The following RUFY1 variants were observed in gnomAD, a reference collection of about 807,000 sequenced individuals.
The protein encoded by RUFY1 is RUN and FYVE domain containing 1, also known as RUN and FYVE domain-containing protein 1.
RUFY1 carries 54 observed loss-of-function variants against 94.6 expected under a neutral mutation model. That is an observed-to-expected ratio of 0.57 (90% CI 0.46 to 0.72). The LOEUF (loss-of-function observed/expected upper bound fraction) is 0.72, where lower values mean the gene tolerates loss of function less well. Among genes scored for constraint, RUFY1 ranks in the 30% least tolerant of loss-of-function variants. The pLI is 0.00. For missense variants in RUFY1, 883 were observed against 883.9 expected, an observed-to-expected ratio of 1.00 and a Z score of 0.01; for synonymous variants, 396 against 347.3, an observed-to-expected ratio of 1.14 and a Z score of -1.56.
At position 179,609,433 on chromosome 5, in the gene RUFY1, G is replaced by A; in HGVS notation, c.2041G>A (p.Ala681Thr). ...FCNTCSSNEL[A>T]LPSYPKPVRV... Reference sequence around the variant, plus strand: ...CAACACCTGCTCCAGCAACGAGCTGGCCCTGCCCTCCTACCCCAAGCCGGT... The same window carrying A: ...CAACACCTGCTCCAGCAACGAGCTGACCCTGCCCTCCTACCCCAAGCCGGT... Residue 681 changes from alanine (A) to threonine (T), a missense_variant, in exon 18 of 18, where the codon GCC becomes ACC. Transcript: ENST00000319449. 1 of 1,612,944 alleles carries A rather than the reference G, an allele frequency of 6.2e-7. No individual in the cohort carries two copies. The highest frequency in any genetic ancestry group is 8.5e-7 in the Non-Finnish European group (1 of 1,179,798).
chr5:179,609,328 A>G (rs1412284726), intron 17 of RUFY1, 48 bp from the exon 18 acceptor site: 8 of 1,594,498 alleles, frequency 5.0e-6, no homozygotes, highest in East Asian at 4.5e-5. Flanking sequence ...GGGTGTGCGG[A>G]TGGCTTTTCC....
intron 9 of RUFY1, 23 bp from the exon 10 acceptor site, chr5:179,591,602 C>T (rs779143872): frequency 2.1e-6 from 3 of 1,427,898 alleles, no homozygotes. Flanking sequence ...AACAATTCCT[C>T]TTGGTGTCCT....
chr5:179,607,132 A>G, intron 16 of RUFY1: 1 of 193,476 alleles, frequency 5.2e-6, no homozygotes, highest in South Asian at 9.5e-5. Flanking sequence ...CTGTCTCTCC[A>G]CAAGGATCAG....
At chr5:179,594,824 T>C (rs1329302451) in intron 11 of RUFY1, 42 bp from the exon 12 acceptor site, 1 of 1,230,170 alleles carries the variant, frequency 8.1e-7, no homozygotes, top group Non-Finnish European at 1.2e-6. Flanking sequence ...GGTGCAAGGA[T>C]GTGGGACAGG....
intron 1 of RUFY1, among the ~76,000 whole-genome samples, chr5:179,552,067 A>C (rs979750180): frequency 4.2e-5 from 6 of 142,478 alleles, no homozygotes; most frequent in African/African-American, 1.5e-4. Context: ...CAGGAGGCTG[A>C]GGCAGGAGAA....
intron 9 of RUFY1, among the ~76,000 whole-genome samples, chr5:179,590,075 C>T (rs933509691): frequency 7.9e-5 from 12 of 152,080 alleles, no homozygotes; most frequent in African/African-American, 1.9e-4. Flanking sequence ...ATATCTGGGC[C>T]GGGCACAGTG....
chr5:179,604,038 T>C (rs573754560), intron 15 of RUFY1, among the ~76,000 whole-genome samples: 3 of 152,240 alleles, frequency 2.0e-5, no homozygotes, highest in South Asian at 2.1e-4. Context: ...GCCTGGGCAA[T>C]AAGAGTGAAA....
rs1201975384 is a variant in RUFY1 at position 179,609,392 on chromosome 5, G to C, written c.2000G>C (p.Cys667Ser). The C allele has an allele frequency of 1.2e-6, 2 of 1,613,516 alleles. No homozygotes were observed. Among genetic ancestry groups the C allele is most frequent in the South Asian group, 2.2e-5 (2 of 91,048 alleles). The change falls in exon 18 of 18, where the codon TGT (cysteine) becomes TCT (serine). Residue 667 changes from cysteine to serine, a missense_variant. Cys to Ser is a moderately radical substitution (Grantham distance 112). Transcript: ENST00000319449. The part of the protein sequence containing the change: ...ISRRKHHCRN[C>S]GHIFCNTCSS... ...GTCCTGTAGCACCACTGCCGGAACTGTGGCCACATCTTCTGCAACACCTGC... is the reference window on the plus strand; with the variant it reads ...GTCCTGTAGCACCACTGCCGGAACTCTGGCCACATCTTCTGCAACACCTGC...
At chr5:179,608,656 G>C (rs1017452004) in intron 17 of RUFY1, 9 of 984,794 alleles carry the variant, frequency 9.1e-6, no homozygotes, top group African/African-American at 3.5e-5. Context: ...GGCCGGGCAC[G>C]GTGGCTCATG....
At chr5:179,566,835 C>T (rs1282493708) in intron 3 of RUFY1, among the ~76,000 whole-genome samples, 2 of 152,046 alleles carry the variant, frequency 1.3e-5, no homozygotes, top group African/African-American at 4.8e-5. Flanking sequence ...GCAGCCTGAT[C>T]ACTTGAGGCC....
At position 179,588,765 on chromosome 5, in the gene RUFY1, T is replaced by C. The variant is rs539035674; in HGVS notation, c.1027-781T>C. 1.7e-3 allele frequency among the ~76,000 whole-genome samples: 252 copies of C among 152,262 alleles called. 1 individual carries two copies. The highest frequency in any genetic ancestry group is 6.8e-3 in the Middle Eastern group (2 of 294). ...TTCTTTTTTGAGACAGGCTGTGGCTTTGTCACCCAGGCTGGAGTGCGGTGG... is the reference window on the plus strand; with the variant it reads ...TTCTTTTTTGAGACAGGCTGTGGCTCTGTCACCCAGGCTGGAGTGCGGTGG... On this transcript the variant is annotated intron_variant, in intron 8 of 17. Coordinates refer to ENST00000319449, the MANE Select transcript of RUFY1 (RefSeq NM_025158.5).
chr5:179,559,734 T>C, intron 1 of RUFY1: 3 of 1,100,588 alleles, frequency 2.7e-6, no homozygotes, highest in Non-Finnish European at 3.3e-6. Context: ...ACGCGGCGAG[T>C]CTTGCTAAAG....
chr5:179,586,372 A>T (rs1246099383), intron 8 of RUFY1: 2 of 456,660 alleles, frequency 4.4e-6, no homozygotes, highest in Non-Finnish European at 8.8e-6. Flanking sequence ...GGCTGAGCCG[A>T]GGAAGAGAGC....
chr5:179,582,763 G>T (rs1429546373), intron 7 of RUFY1, among the ~76,000 whole-genome samples: 2 of 151,976 alleles, frequency 1.3e-5, no homozygotes, highest in Non-Finnish European at 2.9e-5. Flanking sequence ...GAATCGCTTG[G>T]ACCCGGGAGA....
chr5:179,594,535 G>A (rs1248090471), intron 11 of RUFY1, among the ~76,000 whole-genome samples: 2 of 147,368 alleles, frequency 1.4e-5, no homozygotes, highest in African/African-American at 2.5e-5. Context: ...GCCAAGGCAG[G>A]CGGATCACGA....
intron 1 of RUFY1, among the ~76,000 whole-genome samples, chr5:179,554,245 ATGT>A (rs1762000440): frequency 6.6e-6 from 1 of 152,208 alleles, no homozygotes; most frequent in Admixed American, 6.6e-5. Context: ...TTGTTTTAAA[ATGT>A]TGTCCCGGTC....
At chr5:179,592,595 G>A (rs948789515) in intron 10 of RUFY1, among the ~76,000 whole-genome samples, 1 of 152,054 alleles carries the variant, frequency 6.6e-6, no homozygotes, top group Non-Finnish European at 1.5e-5. Context: ...CCAGATTAAC[G>A]GTTTCTTTGA....
rs762164654 is a variant in RUFY1 at position 179,569,303 on chromosome 5, G to C, written c.706G>C (p.Glu236Gln). 1 of 1,613,842 alleles carries C rather than the reference G, an allele frequency of 6.2e-7. No individual in the cohort carries two copies. Among genetic ancestry groups the C allele is most frequent in the Non-Finnish European group, 8.5e-7 (1 of 1,179,962 alleles). The change falls in exon 5 of 18, where the codon GAG becomes CAG. Residue 236 changes from glutamate to glutamine, a missense_variant and splice_region_variant. Transcript: ENST00000319449. ...VLIDNKHLLS[E>Q]FYEPEALMME... ...CCCTGTCCTGTCCATCTCTTTCAGCGAGTTCTATGAGCCTGAGGCTTTAAT... is the reference window on the plus strand; with the variant it reads ...CCCTGTCCTGTCCATCTCTTTCAGCCAGTTCTATGAGCCTGAGGCTTTAAT...
intron 2 of RUFY1, among the ~76,000 whole-genome samples, chr5:179,561,589 A>T (rs1199725758): frequency 1.3e-5 from 2 of 151,972 alleles, no homozygotes; most frequent in East Asian, 3.8e-4. Flanking sequence ...AAAAACAAAA[A>T]AAAATAAATC....
Sources: allele counts gnomAD v4.1 joint callset (sites outside exome capture counted in the v4.1 genomes callset), GRCh38; gene constraint gnomAD v4.1.1; transcripts MANE v1.5; gene names NCBI Gene and HGNC (gene_info 2026-07-23, HGNC 2026-07-21).